Variants in PRELID2 observed in about 807,000 individuals in gnomAD.
PRELID2 encodes the protein PRELI domain-containing protein 2.
Under a neutral mutation model 28.4 loss-of-function variants are expected in PRELID2, and 25 were observed. The ratio of observed to expected loss-of-function variants is 0.88; its 90% CI spans 0.64 to 1.23. The LOEUF (loss-of-function observed/expected upper bound fraction) is 1.23. PRELID2 is among the 50% of genes most tolerant of loss of function. The probability of loss-of-function intolerance (pLI) is 0.00; values close to 1 mark genes in which losing one functional copy is unlikely to be tolerated. For missense variants in PRELID2, 201 were observed against 214.4 expected, an observed-to-expected ratio of 0.94 and a Z score of 0.39; for synonymous variants, 76 against 71.6, an observed-to-expected ratio of 1.06 and a Z score of -0.31.
chr5:145,812,087 T>C (rs1346083402), intron 4 of PRELID2, among the ~76,000 whole-genome samples: 1 of 152,156 alleles, frequency 6.6e-6, no homozygotes, highest in East Asian at 1.9e-4. Flanking sequence ...CTGAACACGC[T>C]GATTGGTCTG....
the PRELID2 span, among the ~76,000 whole-genome samples, chr5:145,407,766 C>T: frequency 6.6e-6 from 1 of 152,140 alleles, no homozygotes; most frequent in Non-Finnish European, 1.5e-5. Flanking sequence ...ACAGCTAATT[C>T]CACCAACAAC....
intron 1 of PRELID2, among the ~76,000 whole-genome samples, chr5:145,555,819 T>A (rs2126686331): frequency 6.6e-6 from 1 of 152,214 alleles, no homozygotes; most frequent in Middle Eastern, 3.4e-3. Context: ...AAGGTCTTAG[T>A]TCCTGATAAC....
chr5:145,417,582 G>T, the PRELID2 span, among the ~76,000 whole-genome samples: 4 of 152,144 alleles, frequency 2.6e-5, no homozygotes, highest in Admixed American at 6.6e-5. Flanking sequence ...AGGATGCAAG[G>T]TTGGTTCAAC....
chr5:145,547,247 A>AGTCC (rs770464413), intron 1 of PRELID2, among the ~76,000 whole-genome samples: 1 of 152,180 alleles, frequency 6.6e-6, no homozygotes, highest in Non-Finnish European at 1.5e-5. Flanking sequence ...TTCACGAAAA[A>AGTCC]GTCCACCCAG....
the PRELID2 span, chr5:145,229,072 A>G: frequency 1.5e-4 from 232 of 1,563,834 alleles, 1 homozygote; most frequent in South Asian, 2.5e-3. Flanking sequence ...GAGGACCACT[A>G]CCTCCTGGGT....
chr5:145,689,077 C>A (rs1022220322), intron 1 of PRELID2, among the ~76,000 whole-genome samples: 2 of 152,092 alleles, frequency 1.3e-5, no homozygotes, highest in African/African-American at 2.4e-5. Flanking sequence ...GCTGGGAAAA[C>A]AAAGAGAAGA....
chr5:145,650,460 T>C (rs559147779), intron 1 of PRELID2, among the ~76,000 whole-genome samples: 1 of 148,082 alleles, frequency 6.8e-6, no homozygotes, highest in East Asian at 2.0e-4. Flanking sequence ...TCAGAGACAA[T>C]CTGGTTTGGC....
At position 145,556,642 on chromosome 5, in the gene PRELID2, A is replaced by G. The variant is rs139901047; in HGVS notation, n.71-83327T>C. Reference sequence around the variant, plus strand: ...CTATTGCCACACCAACCATCATCCAATGGTTCCCCATTGCATTTGGTATAA... The same window carrying G: ...CTATTGCCACACCAACCATCATCCAGTGGTTCCCCATTGCATTTGGTATAA... On this transcript the variant is annotated intron_variant and non_coding_transcript_variant, in intron 1 of 2. Coordinates refer to the PRELID2 transcript ENST00000510259. Among the ~76,000 whole-genome samples, 40 of 152,228 alleles carry G rather than the reference A, an allele frequency of 2.6e-4. No homozygotes were observed. The East Asian group carries it at 7.2e-3, about 27-fold the overall frequency.
intron 1 of PRELID2, among the ~76,000 whole-genome samples, chr5:145,674,969 C>A (rs888316845): frequency 6.6e-6 from 1 of 151,614 alleles, no homozygotes; most frequent in Admixed American, 6.6e-5. Flanking sequence ...GTAAGACTAC[C>A]ACTATATCAG....
chr5:145,245,062 A>C, the PRELID2 span, among the ~76,000 whole-genome samples: 1 of 152,072 alleles, frequency 6.6e-6, no homozygotes. Context: ...CATTGACGTC[A>C]CTATAGCAAA....
chr5:145,421,383 A>G, the PRELID2 span, among the ~76,000 whole-genome samples: 4 of 150,738 alleles, frequency 2.7e-5, no homozygotes, highest in Non-Finnish European at 5.9e-5. Context: ...TTGGTTGGTA[A>G]GCTATTGATT....
At chr5:145,249,069 A>G in the PRELID2 span, among the ~76,000 whole-genome samples, 2 of 152,150 alleles carry the variant, frequency 1.3e-5, no homozygotes, top group African/African-American at 4.8e-5. Context: ...TATTTTCTGC[A>G]CATTAATAAG....
intron 1 of PRELID2, among the ~76,000 whole-genome samples, chr5:145,545,110 G>T (rs772814694): frequency 1.1e-4 from 17 of 151,980 alleles, no homozygotes; most frequent in Non-Finnish European, 1.9e-4. Flanking sequence ...TTTAGCACTG[G>T]GTCCTTTACC....
chr5:145,308,167 C>A, the PRELID2 span, among the ~76,000 whole-genome samples: 1,994 of 152,260 alleles, frequency 0.013, 25 homozygotes, highest in Middle Eastern at 0.024. Flanking sequence ...GGTCCCCTAC[C>A]TATCTTAGCC....
intron 1 of PRELID2, among the ~76,000 whole-genome samples, chr5:145,698,098 T>C (rs993815059): frequency 6.6e-6 from 1 of 152,108 alleles, no homozygotes; most frequent in African/African-American, 2.4e-5. Flanking sequence ...TCAGTCCTCT[T>C]TGCAAGCTCC....
chr5:145,279,586 C>CT, the PRELID2 span, among the ~76,000 whole-genome samples: 3 of 152,158 alleles, frequency 2.0e-5, no homozygotes, highest in African/African-American at 7.2e-5. Context: ...TTCACAAACT[C>CT]TAGTGCCTAA....
chr5:145,373,360 T>TATATATTACAACATATATAATATAC, the PRELID2 span, among the ~76,000 whole-genome samples: 73 of 63,702 alleles, frequency 1.1e-3, 6 homozygotes, highest in East Asian at 2.4e-3. Flanking sequence ...ATATAATATA[T>TATATATTACAACATATATAATATAC]ATGATATTAT....
the PRELID2 span, among the ~76,000 whole-genome samples, chr5:145,290,165 G>A: frequency 2.6e-5 from 4 of 152,132 alleles, no homozygotes; most frequent in South Asian, 8.3e-4. Context: ...CTGTAAACTA[G>A]TTCAACCATT....
the PRELID2 span, among the ~76,000 whole-genome samples, chr5:145,363,851 G>A: frequency 6.6e-6 from 1 of 151,926 alleles, no homozygotes; most frequent in African/African-American, 2.4e-5. Context: ...CACTACCAGT[G>A]AACATTTGGA....
Sources: gnomAD v4.1 joint callset for allele counts (sites outside exome capture counted in the v4.1 genomes callset) on GRCh38, gnomAD v4.1.1 for gene constraint, MANE v1.5 for transcripts, NCBI Gene and HGNC (gene_info 2026-07-23, HGNC 2026-07-21) for gene names.